The following ST6GALNAC5 variants were observed in gnomAD, a reference collection of about 807,000 sequenced individuals.
ST6GALNAC5 encodes the protein ST6 N-acetylgalactosaminide alpha-2,6-sialyltransferase 5.
In ST6GALNAC5, 27 loss-of-function variants were observed where a neutral mutation model predicts 33.6. The observed-to-expected ratio is 0.80, with a 90% confidence interval of 0.59 to 1.11. The LOEUF (loss-of-function observed/expected upper bound fraction) is 1.11, where lower values mean the gene tolerates loss of function less well. Among genes scored for constraint, ST6GALNAC5 ranks in the 50% least tolerant of loss-of-function variants. The probability of loss-of-function intolerance (pLI) is 0.00; values close to 1 mark genes in which losing one functional copy is unlikely to be tolerated. For synonymous variants in ST6GALNAC5, 194 were observed against 171.2 expected, an observed-to-expected ratio of 1.13 and a Z score of -1.04; for missense variants, 428 against 454.0, an observed-to-expected ratio of 0.94 and a Z score of 0.52.
At chr1:77,054,118 G>A (rs542034230) in intron 4 of ST6GALNAC5, among the ~76,000 whole-genome samples, 107 of 152,360 alleles carry the variant, frequency 7.0e-4, no homozygotes, top group Admixed American at 1.4e-3. Context: ...AATCAGAGAT[G>A]AATGAGACAG....
intron 4 of ST6GALNAC5, among the ~76,000 whole-genome samples, chr1:77,053,749 A>G (rs1423939872): frequency 6.6e-6 from 1 of 152,218 alleles, no homozygotes; most frequent in Non-Finnish European, 1.5e-5. Context: ...GGGCCTGTTC[A>G]GTACACAGAA....
intron 2 of ST6GALNAC5, among the ~76,000 whole-genome samples, chr1:76,967,080 A>C (rs1189783397): frequency 6.6e-5 from 10 of 152,218 alleles, no homozygotes; most frequent in Admixed American, 6.5e-4. Flanking sequence ...TGTCACTGCC[A>C]GCCTTTGGTA....
intron 2 of ST6GALNAC5, among the ~76,000 whole-genome samples, chr1:76,968,429 C>G (rs539346670): frequency 5.5e-4 from 84 of 152,164 alleles, no homozygotes; most frequent in African/African-American, 2.0e-3. Context: ...CTTCCATTTG[C>G]TTGGTAGATC....
intron 2 of ST6GALNAC5, among the ~76,000 whole-genome samples, chr1:77,013,656 C>T (rs1313681251): frequency 6.6e-6 from 1 of 152,198 alleles, no homozygotes; most frequent in Non-Finnish European, 1.5e-5. Context: ...GCACTTGCCT[C>T]AAGGCCCCAC....
intron 4 of ST6GALNAC5, among the ~76,000 whole-genome samples, chr1:77,061,220 T>C (rs1652564005): frequency 6.6e-6 from 1 of 152,190 alleles, no homozygotes; most frequent in African/African-American, 2.4e-5. Context: ...TAATTCAGCA[T>C]AGCATCCAAA....
chr1:77,026,372 T>C (rs1261103529), intron 2 of ST6GALNAC5, among the ~76,000 whole-genome samples: 1 of 152,202 alleles, frequency 6.6e-6, no homozygotes, highest in Non-Finnish European at 1.5e-5. Flanking sequence ...GCACGGCCAA[T>C]TGCATTTAAA....
intron 2 of ST6GALNAC5, among the ~76,000 whole-genome samples, chr1:76,953,989 C>T (rs1384761102): frequency 6.6e-6 from 1 of 152,062 alleles, no homozygotes; most frequent in Non-Finnish European, 1.5e-5. Flanking sequence ...TAACAACTAG[C>T]TCACAAAAAT....
chr1:77,044,352 A>G lies in ST6GALNAC5; in HGVS notation c.410A>G (p.Asn137Ser), dbSNP rs557518611. 1.1e-5 allele frequency: 18 copies of G among 1,613,982 alleles called. No homozygotes were observed. In the East Asian group the frequency reaches 1.3e-4, roughly 12 times the overall value. The change falls in exon 3 of 5, where the codon AAT becomes AGT. Residue 137 changes from asparagine to serine, a missense_variant. Physicochemically the swap from Asn to Ser is conservative, Grantham distance 46 (BLOSUM62 1). Coordinates refer to ENST00000477717, the MANE Select transcript of ST6GALNAC5 (RefSeq NM_030965.3). The part of the protein sequence containing the change: ...PTRGYGRDVG[N>S]RTSLRVIAHS... The stretch of plus-strand genomic sequence containing the variant: ...CGCGGCTATGGGCGTGACGTGGGCA[A>G]TCGCACCAGCCTGAGGGTCATCGCG...
chr1:76,939,450 G>T (rs1175328870), intron 2 of ST6GALNAC5, among the ~76,000 whole-genome samples: 1 of 151,988 alleles, frequency 6.6e-6, no homozygotes, highest in Admixed American at 6.6e-5. Flanking sequence ...CAGAACAGAG[G>T]CCAAGGAAAC....
intron 2 of ST6GALNAC5, among the ~76,000 whole-genome samples, chr1:76,985,217 G>A (rs1418368578): frequency 1.3e-5 from 2 of 152,184 alleles, no homozygotes; most frequent in African/African-American, 4.8e-5. Flanking sequence ...AAAAGAGGAA[G>A]TCAAATTGTC....
chr1:77,018,376 C>T (rs181379518), intron 2 of ST6GALNAC5, among the ~76,000 whole-genome samples: 23 of 152,336 alleles, frequency 1.5e-4, no homozygotes, highest in Admixed American at 9.8e-4. Context: ...ATGCACGAGG[C>T]ACTGTGCCAG....
In ST6GALNAC5 at chr1:76,967,910, C is replaced by A. The variant is rs558743299; in HGVS notation, c.262-76294C>A. Among the ~76,000 whole-genome samples the A allele has an allele frequency of 2.2e-3, 336 of 152,248 alleles. 1 individual carries two copies. Among genetic ancestry groups the A allele is most frequent in the Non-Finnish European group, 3.6e-3 (244 of 68,020 alleles). ...TGCGGTTTTGAGTGAATTTCTTAAT[C>A]CTGAGTTCTAATTTGGTTGCAGTGT... On this transcript the variant is annotated intron_variant, in intron 2 of 4. Coordinates refer to ENST00000477717, the MANE Select transcript of ST6GALNAC5 (RefSeq NM_030965.3).
chr1:76,893,459 G>A (rs1172676389), intron 2 of ST6GALNAC5, among the ~76,000 whole-genome samples: 1 of 152,066 alleles, frequency 6.6e-6, no homozygotes. Flanking sequence ...AGTGATTTTG[G>A]GCAATTTACT....
intron 4 of ST6GALNAC5, 76 bp downstream of exon 4, chr1:77,050,441 C>A: frequency 1.5e-6 from 2 of 1,375,446 alleles, no homozygotes; most frequent in South Asian, 2.4e-5. Context: ...TGAATATCAA[C>A]CATGAAACAT....
chr1:76,871,018 C>T (rs1653490289), intron 2 of ST6GALNAC5, among the ~76,000 whole-genome samples: 1 of 152,200 alleles, frequency 6.6e-6, no homozygotes, highest in Non-Finnish European at 1.5e-5. Flanking sequence ...GCAGAGTTCC[C>T]TTACAGATGG....
chr1:77,063,574 C>T lies in ST6GALNAC5; in HGVS notation c.*368C>T, dbSNP rs547898142. ...CTTTATAGACATACCATGTCAAAGACGTTTTTCTATCAAGTTGTATTCTTT... is the reference window on the plus strand; with the variant it reads ...CTTTATAGACATACCATGTCAAAGATGTTTTTCTATCAAGTTGTATTCTTT... On this transcript the variant is annotated 3_prime_UTR_variant, in exon 5 of 5. Coordinates refer to ENST00000477717, the MANE Select transcript of ST6GALNAC5 (RefSeq NM_030965.3). 4.4e-5 allele frequency: 10 copies of T among 226,686 alleles called. No individual in the cohort carries two copies. The highest frequency in any genetic ancestry group is 6.2e-5 in the Non-Finnish European group (7 of 113,436). The allele number at this position is 226,686 out of a possible 1,614,324, so 14.0% of individuals were successfully genotyped here.
chr1:76,938,774 A>C (rs934233254), intron 2 of ST6GALNAC5, among the ~76,000 whole-genome samples: 1 of 152,138 alleles, frequency 6.6e-6, no homozygotes, highest in African/African-American at 2.4e-5. Flanking sequence ...TTTGCAGGCT[A>C]TTTCTGCTGT....
At chr1:76,960,360 A>C (rs1648183992) in intron 2 of ST6GALNAC5, among the ~76,000 whole-genome samples, 1 of 152,190 alleles carries the variant, frequency 6.6e-6, no homozygotes, top group East Asian at 1.9e-4. Context: ...TGTGGGTTAC[A>C]GAGATCACAT....
rs747549995 is a variant in ST6GALNAC5, at chr1:77,063,099, C to T, written c.904C>T (p.Arg302Ter). 9 of 1,613,826 alleles carry T rather than the reference C, an allele frequency of 5.6e-6. No homozygotes were observed. The Admixed American group carries it at 8.3e-5, about 15-fold the overall frequency. The part of the protein sequence containing the change: ...GSHHRFITEK[R>*]VFKNWARTFN... ...TCATCACCGCTTTATCACAGAGAAACGAGTCTTTAAGAACTGGGCACGGAC... is the reference window on the plus strand; with the variant it reads ...TCATCACCGCTTTATCACAGAGAAATGAGTCTTTAAGAACTGGGCACGGAC... Residue 302 changes from arginine to a stop codon, truncating the protein, a stop_gained, in exon 5 of 5, where the codon CGA becomes TGA. Coordinates refer to ENST00000477717, the MANE Select transcript of ST6GALNAC5 (RefSeq NM_030965.3). LOFTEE classifies it high-confidence loss of function.
Sources: gnomAD v4.1 joint callset for allele counts (sites outside exome capture counted in the v4.1 genomes callset) on GRCh38, gnomAD v4.1.1 for gene constraint, MANE v1.5 for transcripts, NCBI Gene and HGNC (gene_info 2026-07-23, HGNC 2026-07-21) for gene names.